Variants in LRRIQ1 observed in about 807,000 individuals in gnomAD.
The protein encoded by LRRIQ1 is leucine rich repeats and IQ motif containing 1.
Under a neutral mutation model 211.9 loss-of-function variants are expected in LRRIQ1, and 210 were observed. The ratio of observed to expected loss-of-function variants is 0.99; its 90% CI spans 0.89 to 1.11. The LOEUF is 1.11. LRRIQ1 is among the 50% of genes most tolerant of loss of function. The pLI is 0.00. For synonymous variants in LRRIQ1, 699 were observed against 650.1 expected (o/e 1.08, Z -1.14); for missense variants, 2,136 against 1,939.5 (o/e 1.10, Z -1.90).
Position 85,121,789 on chromosome 12 carries a change from A to C in LRRIQ1, c.3470A>C (p.Gln1157Pro). 6.2e-7 allele frequency: 1 copy of C among 1,608,870 alleles called. No individual in the cohort carries two copies. The highest frequency in any genetic ancestry group is 8.5e-7 in the Non-Finnish European group (1 of 1,177,510). Reference protein sequence around the residue: ...NSESRTEEHNQLGSAGFLALC... With the variant: ...NSESRTEEHNPLGSAGFLALC... ...GAAAGCCGCACTGAAGAACACAATC[A>C]ACTGGGATCAGCAGGTTTCCTGGCA... The change falls in exon 16 of 27, where the codon CAA (glutamine) becomes CCA (proline). Residue 1157 changes from glutamine to proline, a missense_variant. Transcript: ENST00000393217.
chr12:85,195,601 A>T (rs1003940410), intron 24 of LRRIQ1, among the ~76,000 whole-genome samples: 1 of 152,006 alleles, frequency 6.6e-6, no homozygotes, highest in Non-Finnish European at 1.5e-5. Context: ...TAGATGCAGA[A>T]AAAGCCTTTG....
At chr12:85,092,194 C>T (rs1325045581) in intron 11 of LRRIQ1, among the ~76,000 whole-genome samples, 2 of 152,096 alleles carry the variant, frequency 1.3e-5, no homozygotes. Flanking sequence ...TATAAAAACC[C>T]CATCAGTGAG....
chr12:85,132,018 T>C (rs181855702), intron 18 of LRRIQ1, among the ~76,000 whole-genome samples: 2 of 152,210 alleles, frequency 1.3e-5, no homozygotes, highest in East Asian at 3.9e-4. Context: ...GAGGGAGATA[T>C]AGATATCTCT....
chr12:85,206,706 G>T (rs1041450376), intron 24 of LRRIQ1, among the ~76,000 whole-genome samples: 1 of 151,958 alleles, frequency 6.6e-6, no homozygotes, highest in Non-Finnish European at 1.5e-5. Context: ...CCGACAATCA[G>T]GTGCACTCTG....
At chr12:85,217,954 G>A (rs886322524) in intron 24 of LRRIQ1, among the ~76,000 whole-genome samples, 1 of 151,560 alleles carries the variant, frequency 6.6e-6, no homozygotes, top group Non-Finnish European at 1.5e-5. Context: ...CACTCCCTGA[G>A]GGAGTCTAGG....
chr12:85,068,583 A>T (rs758213512), intron 10 of LRRIQ1, among the ~76,000 whole-genome samples: 1 of 151,890 alleles, frequency 6.6e-6, no homozygotes, highest in Non-Finnish European at 1.5e-5. Flanking sequence ...AGTTTTGAAT[A>T]ATATGGCCGT....
chr12:85,213,903 A>G (rs1893956163), intron 24 of LRRIQ1, among the ~76,000 whole-genome samples: 1 of 152,026 alleles, frequency 6.6e-6, no homozygotes, highest in Non-Finnish European at 1.5e-5. Flanking sequence ...GATCCTGAAA[A>G]TAAGAGAGAA....
At chr12:85,139,783 AAC>A (rs1167588726) in intron 19 of LRRIQ1, among the ~76,000 whole-genome samples, 1 of 151,388 alleles carries the variant, frequency 6.6e-6, no homozygotes, top group Admixed American at 6.6e-5. Context: ...TTAAAAATTC[AAC>A]ATTAATCTAT....
intron 13 of LRRIQ1, among the ~76,000 whole-genome samples, chr12:85,100,027 T>A (rs1247274044): frequency 2.0e-5 from 3 of 151,824 alleles, no homozygotes; most frequent in Non-Finnish European, 3.0e-5. Flanking sequence ...ATTTGGGCAA[T>A]TCACAAACTC....
intron 15 of LRRIQ1, among the ~76,000 whole-genome samples, chr12:85,111,946 A>G (rs1887204533): frequency 1.3e-5 from 1 of 76,752 alleles, no homozygotes; most frequent in South Asian, 2.8e-4. Flanking sequence ...ATATATATAT[A>G]CACACACACA....
Position 85,056,277 on chromosome 12 carries a change from A to T in LRRIQ1, c.1484A>T (p.Glu495Val). Residue 495 changes from glutamate (E) to valine (V), a missense_variant, in exon 8 of 27, where the codon GAA (glutamate) becomes GTA (valine). Coordinates refer to ENST00000393217, the MANE Select transcript of LRRIQ1 (RefSeq NM_001079910.2). ...ENLAKKRCSE[E>V]LVKQERKYEN... is the part of the protein sequence containing the mutation. ...CTAGCAAAAAAACGATGTTCAGAAG[A>T]ATTGGTCAAGCAAGAAAGAAAATAT... 6.3e-7 allele frequency: 1 copy of T among 1,582,134 alleles called. No homozygotes were observed.
downstream of LRRIQ1, among the ~76,000 whole-genome samples, chr12:85,246,200 T>C (rs1188944551): frequency 4.6e-5 from 7 of 151,370 alleles, no homozygotes; most frequent in East Asian, 1.2e-3. Context: ...TAGAATCTGG[T>C]CATTGAAATG....
intron 19 of LRRIQ1, among the ~76,000 whole-genome samples, chr12:85,139,535 A>G (rs1427250455): frequency 1.3e-5 from 2 of 151,432 alleles, no homozygotes; most frequent in Non-Finnish European, 3.0e-5. Flanking sequence ...ATTCAATTGT[A>G]TGGTATTTTT....
At chr12:85,073,220 G>A (rs1279040552) in intron 11 of LRRIQ1, 122 bp downstream of exon 11, 4 of 595,946 alleles carry the variant, frequency 6.7e-6, no homozygotes, top group Non-Finnish European at 1.1e-5. Flanking sequence ...GTAAAATATA[G>A]CTGTTTTCAC....
intron 24 of LRRIQ1, among the ~76,000 whole-genome samples, chr12:85,196,131 A>T (rs1892894663): frequency 6.6e-6 from 1 of 152,272 alleles, no homozygotes; most frequent in Admixed American, 6.5e-5. Context: ...GATGTGAAGG[A>T]CCTTTTCAAG....
intron 10 of LRRIQ1, among the ~76,000 whole-genome samples, chr12:85,069,799 T>C (rs1882872853): frequency 6.6e-6 from 1 of 152,136 alleles, no homozygotes; most frequent in Non-Finnish European, 1.5e-5. Context: ...TGTTTTTTTC[T>C]TGTGAGTTTG....
chr12:85,105,998 G>A (rs1886755903), intron 14 of LRRIQ1, among the ~76,000 whole-genome samples: 1 of 151,918 alleles, frequency 6.6e-6, no homozygotes, highest in South Asian at 2.1e-4. Context: ...ATTTCTCCAT[G>A]TTGGTCAGGC....
At chr12:85,038,624 T>C (rs928047172) in intron 2 of LRRIQ1, among the ~76,000 whole-genome samples, 2 of 151,670 alleles carry the variant, frequency 1.3e-5, no homozygotes, top group Non-Finnish European at 3.0e-5. Context: ...AAACAAATTA[T>C]CCTTTTATTT....
chr12:85,190,335 T>C (rs1258971086), intron 24 of LRRIQ1, among the ~76,000 whole-genome samples: 2 of 144,058 alleles, frequency 1.4e-5, no homozygotes, highest in Non-Finnish European at 3.0e-5. Context: ...AAAACTACAG[T>C]TAATTACATA....
Sources: allele counts gnomAD v4.1 joint callset (sites outside exome capture counted in the v4.1 genomes callset), GRCh38; gene constraint gnomAD v4.1.1; transcripts MANE v1.5; gene names NCBI Gene and HGNC (gene_info 2026-07-23, HGNC 2026-07-21).